Variants in MMRN1 observed in about 807,000 individuals in gnomAD.
The protein encoded by MMRN1 is multimerin-1.
A neutral mutation model predicts 100.7 loss-of-function variants in MMRN1; 94 were observed. The ratio of observed to expected loss-of-function variants is 0.93; its 90% CI spans 0.79 to 1.11. The LOEUF (loss-of-function observed/expected upper bound fraction) is 1.11, where lower values mean the gene tolerates loss of function less well. MMRN1 is among the 50% of genes least tolerant of loss of function. MMRN1 has a pLI of 0.00. For missense variants in MMRN1, 1,606 were observed against 1,439.1 expected (o/e 1.12, Z -1.88); for synonymous variants, 575 against 505.0 (o/e 1.14, Z -1.86).
At chr4:89,886,555 T>C (rs961433784) in intron 1 of MMRN1, among the ~76,000 whole-genome samples, 12 of 152,108 alleles carry the variant, frequency 7.9e-5, no homozygotes, top group Admixed American at 5.9e-4. Flanking sequence ...TTAGGTCCAA[T>C]TGGTTAATAA....
chr4:89,919,206 G>T (rs980703280), intron 3 of MMRN1, among the ~76,000 whole-genome samples: 2 of 150,960 alleles, frequency 1.3e-5, no homozygotes, highest in South Asian at 2.1e-4. Context: ...TTAAAATTCT[G>T]ATTTTTTCTA....
upstream of MMRN1, among the ~76,000 whole-genome samples, chr4:89,891,043 T>A (rs886542069): frequency 6.6e-6 from 1 of 152,100 alleles, no homozygotes; most frequent in Non-Finnish European, 1.5e-5. Flanking sequence ...TGCTTCATTA[T>A]CTTTTATTCT....
chr4:89,952,938 G>A, intron 7 of MMRN1, 59 bp from the exon 8 acceptor site: 1 of 1,394,536 alleles, frequency 7.2e-7, no homozygotes, highest in Non-Finnish European at 9.4e-7. Context: ...GAAGATATAA[G>A]GAAAGAAAAA....
intron 5 of MMRN1, among the ~76,000 whole-genome samples, chr4:89,933,300 C>T (rs1191163056): frequency 6.6e-6 from 1 of 152,122 alleles, no homozygotes; most frequent in African/African-American, 2.4e-5. Flanking sequence ...TTTGACAAGT[C>T]TCCAGGAAGC....
At chr4:89,881,373 T>G (rs1560574599) in intron 1 of MMRN1, among the ~76,000 whole-genome samples, 1 of 152,106 alleles carries the variant, frequency 6.6e-6, no homozygotes, top group Non-Finnish European at 1.5e-5. Context: ...TCCAACAGAA[T>G]GTGGCCGTTT....
intron 1 of MMRN1, among the ~76,000 whole-genome samples, chr4:89,889,825 T>C (rs1382651725): frequency 1.3e-5 from 2 of 152,108 alleles, no homozygotes; most frequent in African/African-American, 4.8e-5. Context: ...AAAAATCTTC[T>C]TCTACTTGCA....
At chr4:89,944,426 G>A (rs1367172940) in intron 6 of MMRN1, among the ~76,000 whole-genome samples, 1 of 151,940 alleles carries the variant, frequency 6.6e-6, no homozygotes, top group Non-Finnish European at 1.5e-5. Flanking sequence ...TATACACATG[G>A]GCACGTTAAC....
At chr4:89,908,794 A>G (rs1721649867) in intron 1 of MMRN1, among the ~76,000 whole-genome samples, 1 of 151,452 alleles carries the variant, frequency 6.6e-6, no homozygotes, top group South Asian at 2.1e-4. Context: ...CGGCATCTAG[A>G]CCATTTTGCA....
chr4:89,904,326 A>C (rs1578471260), intron 1 of MMRN1, among the ~76,000 whole-genome samples: 1 of 151,750 alleles, frequency 6.6e-6, no homozygotes, highest in Non-Finnish European at 1.5e-5. Context: ...TTAAATGTAC[A>C]GTTCTGTGGC....
At position 89,898,224 on chromosome 4, in the gene MMRN1, T is replaced by C. The variant is rs554252224; in HGVS notation, c.623+2630T>C. On this transcript the variant is annotated intron_variant, in intron 1 of 7. Coordinates refer to ENST00000264790, the MANE Select transcript of MMRN1 (RefSeq NM_007351.3). ...TAATAATAATAGTAGCAAACACTTA[T>C]ATGGCATCTGTTACTAGTACTCTAC... 1.4e-4 allele frequency among the ~76,000 whole-genome samples: 22 copies of C among 152,288 alleles called. 1 individual carries two copies. The South Asian group carries it at 3.5e-3, about 24-fold the overall frequency.
intron 1 of MMRN1, among the ~76,000 whole-genome samples, chr4:89,883,485 G>A (rs958912433): frequency 5.3e-5 from 8 of 151,968 alleles, no homozygotes; most frequent in Admixed American, 2.0e-4. Flanking sequence ...GTTTTGCTCC[G>A]ATCACTAAAG....
At chr4:89,929,794 A>C (rs1722379873) in intron 5 of MMRN1, among the ~76,000 whole-genome samples, 1 of 152,130 alleles carries the variant, frequency 6.6e-6, no homozygotes, top group African/African-American at 2.4e-5. Flanking sequence ...AGGAAACAAA[A>C]ACTAAACCCA....
At chr4:89,880,933 G>A (rs376771471) in intron 1 of MMRN1, among the ~76,000 whole-genome samples, 4 of 152,066 alleles carry the variant, frequency 2.6e-5, no homozygotes, top group African/African-American at 9.7e-5. Flanking sequence ...ATGTTAAAGG[G>A]TTGAGAGGGA....
chr4:89,915,611 C>T (rs1721887396), intron 3 of MMRN1, among the ~76,000 whole-genome samples: 2 of 150,882 alleles, frequency 1.3e-5, no homozygotes, highest in Admixed American at 1.3e-4. Context: ...AAAAAAAAAG[C>T]ATCTAATAAG....
At chr4:89,916,197 G>T (rs879261427) in intron 3 of MMRN1, among the ~76,000 whole-genome samples, 1 of 151,534 alleles carries the variant, frequency 6.6e-6, no homozygotes, top group Non-Finnish European at 1.5e-5. Flanking sequence ...ATAAACTATT[G>T]AATTTGTAAA....
intron 1 of MMRN1, among the ~76,000 whole-genome samples, chr4:89,902,610 T>C (rs1227526490): frequency 1.3e-5 from 2 of 151,988 alleles, no homozygotes; most frequent in Non-Finnish European, 2.9e-5. Flanking sequence ...TTTGTGGCTG[T>C]GAGGCACTCT....
intron 6 of MMRN1, among the ~76,000 whole-genome samples, chr4:89,948,838 A>G (rs548116330): frequency 6.6e-6 from 1 of 152,338 alleles, no homozygotes; most frequent in South Asian, 2.1e-4. Context: ...TGGCTGAGGC[A>G]TCCTGAGCAG....
chr4:89,952,936 A>G (rs1308606831), intron 7 of MMRN1, 61 bp from the exon 8 acceptor site: 2 of 1,383,318 alleles, frequency 1.4e-6, no homozygotes, highest in African/African-American at 2.3e-5. Flanking sequence ...ACGAAGATAT[A>G]AGGAAAGAAA....
At chr4:89,915,439 G>A (rs1411855866) in intron 3 of MMRN1, among the ~76,000 whole-genome samples, 1 of 151,600 alleles carries the variant, frequency 6.6e-6, no homozygotes, top group Non-Finnish European at 1.5e-5. Context: ...TGAGGGATCA[G>A]CTGGAAATCT....
Sources: gnomAD v4.1 joint callset for allele counts (sites outside exome capture counted in the v4.1 genomes callset) on GRCh38, gnomAD v4.1.1 for gene constraint, MANE v1.5 for transcripts, NCBI Gene and HGNC (gene_info 2026-07-23, HGNC 2026-07-21) for gene names.